Variants in TTC21B observed in about 807,000 individuals in gnomAD.
TTC21B encodes tetratricopeptide repeat protein 21B.
A neutral mutation model predicts 175.1 loss-of-function variants in TTC21B; 127 were observed. The ratio of observed to expected loss-of-function variants is 0.73; its 90% CI spans 0.63 to 0.84. TTC21B has a LOEUF of 0.84. Among genes scored for constraint, TTC21B ranks in the 40% least tolerant of loss-of-function variants. TTC21B has a pLI of 0.00. For missense variants in TTC21B, 1,561 were observed against 1,558.3 expected (o/e 1.00, Z -0.03); for synonymous variants, 524 against 524.5 (o/e 1.00, Z 0.01).
intron 25 of TTC21B, among the ~76,000 whole-genome samples, 173 bp downstream of exon 25, chr2:165,888,106 A>G (rs1331602904): frequency 6.6e-6 from 1 of 152,230 alleles, no homozygotes; most frequent in Non-Finnish European, 1.5e-5. Flanking sequence ...AAACAGTAAC[A>G]TCGTCTCTTC....
At chr2:165,923,210 A>G in intron 12 of TTC21B, among the ~76,000 whole-genome samples, 1 of 152,088 alleles carries the variant, frequency 6.6e-6, no homozygotes, top group East Asian at 1.9e-4. Context: ...GTATCCAAAA[A>G]CTATTTGTAC....
chr2:165,899,612 G>C (rs1035656669), intron 21 of TTC21B, among the ~76,000 whole-genome samples, 158 bp downstream of exon 21: 1 of 151,964 alleles, frequency 6.6e-6, no homozygotes, highest in Non-Finnish European at 1.5e-5. Flanking sequence ...AATGATTCTG[G>C]GTCTTTATTG....
chr2:165,940,819 G>A (rs1687335583), intron 6 of TTC21B, among the ~76,000 whole-genome samples: 1 of 152,110 alleles, frequency 6.6e-6, no homozygotes, highest in African/African-American at 2.4e-5. Flanking sequence ...CCTAAAAAGA[G>A]TGTCTGTCTT....
intron 11 of TTC21B, among the ~76,000 whole-genome samples, chr2:165,925,050 G>GT (rs1475756559): frequency 6.6e-6 from 1 of 152,206 alleles, no homozygotes. Flanking sequence ...AGTCAAGGCA[G>GT]TAAGTGTTCG....
intron 13 of TTC21B, among the ~76,000 whole-genome samples, chr2:165,918,095 G>A (rs529980381): frequency 2.0e-5 from 3 of 152,280 alleles, no homozygotes; most frequent in African/African-American, 7.2e-5. Flanking sequence ...GCCACCTAGC[G>A]ATTAGGAAGT....
chr2:165,936,982 A>G (rs1027276388), intron 6 of TTC21B, among the ~76,000 whole-genome samples: 1 of 152,116 alleles, frequency 6.6e-6, no homozygotes, highest in African/African-American at 2.4e-5. Flanking sequence ...ACTGATGTCC[A>G]TACAAAAACC....
At position 165,876,248 on chromosome 2, in the gene TTC21B, C is replaced by A. The variant is rs746246086; in HGVS notation, c.3806-16G>T. On this transcript the variant is annotated splice_polypyrimidine_tract_variant and intron_variant, in intron 27 of 28. Transcript: ENST00000243344. ...AGTTTGTATCCTGTTAAGACAAAAA[C>A]CATAAAACAGAATGATGGAGTACAC... 3 of 1,493,100 alleles carry A rather than the reference C, an allele frequency of 2.0e-6. No homozygotes were observed. The highest frequency in any genetic ancestry group is 2.8e-6 in the Non-Finnish European group (3 of 1,071,186). The allele number at this position is 1,493,100 out of a possible 1,614,324, so 92.5% of individuals were successfully genotyped here. A position where few individuals can be genotyped will look rare whatever the true frequency, so the allele number is the denominator to read the frequency against.
At chr2:165,929,359 A>C in intron 10 of TTC21B, 24 bp from the exon 11 acceptor site, 2 of 1,560,590 alleles carry the variant, frequency 1.3e-6, no homozygotes, top group Non-Finnish European at 1.8e-6. Flanking sequence ...AGTTTTCATA[A>C]ATTATTCCAT....
chr2:165,930,179 G>C lies in TTC21B; in HGVS notation c.1080C>G (p.Ala360=), dbSNP rs1030748717. The change falls in exon 9 of 29, where the codon GCC becomes GCG. Residue 360 remains alanine (A), a synonymous_variant. Transcript: ENST00000243344. ...TGAAAACAGTTGTCATACCAACTAGGGCAGACACACTAGTCTCATCAAGTG... is the reference window on the plus strand; with the variant it reads ...TGAAAACAGTTGTCATACCAACTAGCGCAGACACACTAGTCTCATCAAGTG... The part of the protein sequence containing the change: ...AMTLDETSVS[A]LVGFIQCQLI... 6.2e-7 allele frequency: 1 copy of C among 1,612,298 alleles called. No homozygotes were observed. The highest frequency in any genetic ancestry group is 1.3e-5 in the African/African-American group (1 of 74,786).
chr2:165,944,074 C>T (rs372269861), intron 4 of TTC21B, among the ~76,000 whole-genome samples: 14 of 151,926 alleles, frequency 9.2e-5, no homozygotes, highest in East Asian at 5.8e-4. Context: ...GTATTTCACC[C>T]GAAAATACAA....
intron 18 of TTC21B, 36 bp from the exon 19 acceptor site, chr2:165,907,820 C>A (rs2105313927): frequency 7.3e-7 from 1 of 1,373,852 alleles, no homozygotes; most frequent in South Asian, 1.2e-5. Flanking sequence ...AAAAATTATT[C>A]ATCTTAAATA....
Position 165,929,747 on chromosome 2 carries a change from C to A in TTC21B, c.1088G>T (p.Gly363Val). 1 of 1,606,850 alleles carries A rather than the reference C, an allele frequency of 6.2e-7. No homozygotes were observed. Among genetic ancestry groups the A allele is most frequent in the Non-Finnish European group, 8.5e-7 (1 of 1,174,854 alleles). The change falls in exon 10 of 29, where the codon GGA (glycine) becomes GTA (valine). Residue 363 changes from glycine to valine, a missense_variant and splice_region_variant. Physicochemically the swap from Gly to Val is moderately radical, Grantham distance 109. Transcript: ENST00000243344. The part of the protein sequence containing the change: ...LDETSVSALV[G>V]FIQCQLIEGQ... Reference sequence around the variant, plus strand: ...TTCTATCAACTGACATTGGATAAATCCTAAAATCAAACAGCAGAAAGACAG... The same window carrying A: ...TTCTATCAACTGACATTGGATAAATACTAAAATCAAACAGCAGAAAGACAG...
chr2:165,923,442 C>A (rs78378997), intron 12 of TTC21B, among the ~76,000 whole-genome samples: 1 of 130,340 alleles, frequency 7.7e-6, no homozygotes, highest in Non-Finnish European at 1.7e-5. Flanking sequence ...ATATGATGGT[C>A]TTTTTTTTTT....
In TTC21B at chr2:165,888,456, T is replaced by C; in HGVS notation, c.3282A>G (p.Gln1094=). The C allele has an allele frequency of 6.2e-7, 1 of 1,613,486 alleles. No individual in the cohort carries two copies. The highest frequency in any genetic ancestry group is 1.3e-5 in the African/African-American group (1 of 75,030). The change falls in exon 25 of 29, where the codon CAA becomes CAG. Residue 1094 remains glutamine, a synonymous_variant. Coordinates refer to ENST00000243344, the MANE Select transcript of TTC21B (RefSeq NM_024753.5). ...TTCTTACTGCCAGTTGCACAGATTC[T>C]TGCTTCTCAGTTGAATTACTGTATA... ...DGDLGNSTEK[Q]ESVQLAVRTA... is the part of the protein sequence containing the mutation.
intron 18 of TTC21B, among the ~76,000 whole-genome samples, chr2:165,908,304 C>T (rs1685812497): frequency 6.6e-6 from 1 of 152,134 alleles, no homozygotes. Context: ...TTCTGCAGTT[C>T]CCTCTCATCT....
rs758848471 is a variant in TTC21B, at chr2:165,890,649, A to G, written c.3102-9T>C. 6.2e-7 allele frequency: 1 copy of G among 1,612,970 alleles called. No homozygotes were observed. Among genetic ancestry groups the G allele is most frequent in the Non-Finnish European group, 8.5e-7 (1 of 1,179,174 alleles). The stretch of plus-strand genomic sequence containing the variant: ...TTGGTTCTCCAGTGTACCTTGTTAG[A>G]TGTTTAAAAGAATTATTTATTTCAA... On this transcript the variant is annotated splice_polypyrimidine_tract_variant and intron_variant, in intron 23 of 28. Transcript: ENST00000243344.
At chr2:165,925,304 C>T (rs1559063193) in intron 11 of TTC21B, among the ~76,000 whole-genome samples, 2 of 152,110 alleles carry the variant, frequency 1.3e-5, no homozygotes. Context: ...GATACTAGAA[C>T]ACTACTTTAT....
chr2:165,888,526 C>A, intron 24 of TTC21B, 52 bp from the exon 25 acceptor site: 1 of 1,405,172 alleles, frequency 7.1e-7, no homozygotes, highest in South Asian at 1.2e-5. Flanking sequence ...TGATACAATT[C>A]ATTGAGATTA....
intron 22 of TTC21B, among the ~76,000 whole-genome samples, chr2:165,898,338 C>G (rs1235146142): frequency 6.6e-6 from 1 of 152,104 alleles, no homozygotes; most frequent in African/African-American, 2.4e-5. Flanking sequence ...CAAATATTCT[C>G]TTAGTGAAGT....
Sources: gnomAD v4.1 joint callset for allele counts (sites outside exome capture counted in the v4.1 genomes callset) on GRCh38, gnomAD v4.1.1 for gene constraint, MANE v1.5 for transcripts, NCBI Gene and HGNC (gene_info 2026-07-23, HGNC 2026-07-21) for gene names.